CFAP161: variants seen among roughly 807,000 people sequenced by gnomAD.
CFAP161 encodes cilia- and flagella-associated protein 161.
Under a neutral mutation model 29.0 loss-of-function variants are expected in CFAP161, and 25 were observed. The ratio of observed to expected loss-of-function variants is 0.86; its 90% CI spans 0.63 to 1.20. The LOEUF is 1.20. Among genes scored for constraint, CFAP161 ranks in the 50% most tolerant of loss-of-function variants. The pLI, the probability that CFAP161 is intolerant of heterozygous loss-of-function variation, is 0.00. For missense variants in CFAP161, 367 were observed against 371.9 expected, an observed-to-expected ratio of 0.99 and a Z score of 0.11; for synonymous variants, 116 against 137.4, an observed-to-expected ratio of 0.84 and a Z score of 1.09.
chr15:81,117,606 A>C (rs1165020770), intron 1 of CFAP161: 1 of 208,336 alleles, frequency 4.8e-6, no homozygotes, highest in Non-Finnish European at 1.0e-5. Flanking sequence ...AATACTGAAC[A>C]GTTCTGTTTC....
chr15:81,103,717 C>T (rs1894329422), intron 1 of CFAP161, among the ~76,000 whole-genome samples: 3 of 152,192 alleles, frequency 2.0e-5, no homozygotes. Context: ...AATCTCAAAC[C>T]TAGAGGGGAT....
In CFAP161 at chr15:81,148,338, C is replaced by A; in HGVS notation, c.711C>A (p.Ser237Arg). 3 of 1,608,240 alleles carry A rather than the reference C, an allele frequency of 1.9e-6. No homozygotes were observed. Among genetic ancestry groups the A allele is most frequent in the Non-Finnish European group, 2.6e-6 (3 of 1,175,068 alleles). The change falls in exon 7 of 7, where the codon AGC (serine) becomes AGA (arginine). Residue 237 changes from serine to arginine, a missense_variant and splice_region_variant. Ser to Arg is a moderately radical substitution (Grantham distance 110, BLOSUM62 -1). Coordinates refer to ENST00000286732, the MANE Select transcript of CFAP161 (RefSeq NM_173528.4). ...CACAACTGATTCTCTCTTGCTCCAG[C>A]ACCTATTTTGGAAAGGAGGCTGAGG... is the stretch of plus-strand genomic sequence containing the variant. The part of the protein sequence containing the change: ...GLAAHRHLFL[S>R]TYFGKEAEVV...
At position 81,136,678 on chromosome 15, in the gene CFAP161, G is replaced by C; in HGVS notation, c.322G>C (p.Glu108Gln). Residue 108 changes from glutamate (E) to glutamine (Q), a missense_variant, in exon 3 of 7, where the codon GAG becomes CAG. Coordinates refer to ENST00000286732, the MANE Select transcript of CFAP161 (RefSeq NM_173528.4). ...TCAGTCCCATCTGAAAGACGAATTA[G>C]AGGTACCCTGTGGCCTGAGCGCAGT... is the stretch of plus-strand genomic sequence containing the variant. ...EIQSHLKDEL[E>Q]VPCGLSAVQA... is the part of the protein sequence containing the mutation. The C allele has an allele frequency of 6.2e-7, 1 of 1,614,188 alleles. No individual in the cohort carries two copies. The highest frequency in any genetic ancestry group is 2.2e-5 in the East Asian group (1 of 44,884).
upstream of CFAP161, chr15:81,134,102 T>A (rs969438567): frequency 3.7e-6 from 2 of 534,926 alleles, no homozygotes; most frequent in Non-Finnish European, 6.7e-6. Context: ...TCGCCCACCC[T>A]GCAGTTAAGG....
chr15:81,139,912 A>C (rs1318893392), intron 4 of CFAP161, among the ~76,000 whole-genome samples: 1 of 152,214 alleles, frequency 6.6e-6, no homozygotes, highest in Non-Finnish European at 1.5e-5. Flanking sequence ...ATTAAATATC[A>C]TAATTTAAAA....
intron 1 of CFAP161, among the ~76,000 whole-genome samples, chr15:81,114,857 G>T (rs1170259393): frequency 6.6e-6 from 1 of 152,070 alleles, no homozygotes; most frequent in Non-Finnish European, 1.5e-5. Flanking sequence ...TAGAGACAGG[G>T]TTTCACCATG....
Position 81,136,573 on chromosome 15 carries a change from G to C in CFAP161, c.217G>C (p.Val73Leu). 6.2e-7 allele frequency: 1 copy of C among 1,614,194 alleles called. No individual in the cohort carries two copies. The highest frequency in any genetic ancestry group is 8.5e-7 in the Non-Finnish European group (1 of 1,180,028). ...YIHYGDKVML[V>L]NPDDPDTEAD... ...TCATTACGGTGACAAAGTGATGCTT[G>C]TGAATCCTGATGATCCTGACACAGA... Residue 73 changes from valine to leucine, a missense_variant, in exon 3 of 7, where the codon GTG becomes CTG. Transcript: ENST00000286732.
chr15:81,122,535 A>C (rs1894587873), intron 1 of CFAP161, among the ~76,000 whole-genome samples: 2 of 147,568 alleles, frequency 1.4e-5, no homozygotes, highest in African/African-American at 5.0e-5. Flanking sequence ...CTTGTTGCCC[A>C]GGCTGGAGTG....
Position 81,135,442 on chromosome 15 carries a change from G to A in CFAP161, c.159+83G>A, listed in dbSNP as rs1894793720. 1.9e-5 allele frequency: 17 copies of A among 882,166 alleles called. No homozygotes were observed. In the South Asian group the frequency reaches 3.0e-4, roughly 15 times the overall value. 54.6% of individuals were successfully genotyped at this position (882,166 alleles called of 1,614,324 possible). ...AGGTTTGTTACATATGTATACATAT[G>A]CTATGTTGGTGTGCTGCACCCATTA... On this transcript the variant is annotated intron_variant, in intron 2 of 6. Transcript: ENST00000286732.
intron 1 of CFAP161, among the ~76,000 whole-genome samples, chr15:81,120,562 G>A (rs1158752376): frequency 1.3e-5 from 2 of 152,146 alleles, no homozygotes; most frequent in Non-Finnish European, 2.9e-5. Flanking sequence ...GAGGCCAGGA[G>A]TTCAAGACCA....
intron 5 of CFAP161, among the ~76,000 whole-genome samples, chr15:81,145,578 G>C (rs1424817746): frequency 1.3e-5 from 2 of 152,102 alleles, no homozygotes; most frequent in East Asian, 1.9e-4. Context: ...CAGGCACCAG[G>C]AGTTCTTTTC....
intron 4 of CFAP161, among the ~76,000 whole-genome samples, chr15:81,141,452 A>T (rs1894906961): frequency 6.6e-6 from 1 of 152,132 alleles, no homozygotes; most frequent in Middle Eastern, 3.4e-3. Flanking sequence ...TTTTCAGTTG[A>T]TTTTTTTATG....
At chr15:81,136,458 G>T in intron 2 of CFAP161, 58 bp from the exon 3 acceptor site, 2 of 1,498,898 alleles carry the variant, frequency 1.3e-6, no homozygotes, top group East Asian at 2.3e-5. Flanking sequence ...AAATTGCCTT[G>T]GCAGTAACTG....
chr15:81,114,887 T>G (rs1324404933), intron 1 of CFAP161, among the ~76,000 whole-genome samples: 2 of 152,054 alleles, frequency 1.3e-5, no homozygotes, highest in African/African-American at 2.4e-5. Flanking sequence ...ATGGTCTCTA[T>G]CTCCTGACCT....
At chr15:81,129,355 A>C (rs1034331976), upstream of CFAP161, among the ~76,000 whole-genome samples, 1 of 152,190 alleles carries the variant, frequency 6.6e-6, no homozygotes, top group Non-Finnish European at 1.5e-5. Context: ...TTTATGAAGA[A>C]AAAGAGGTTA....
At chr15:81,123,164 A>G (rs912242866) in intron 1 of CFAP161, among the ~76,000 whole-genome samples, 11 of 152,020 alleles carry the variant, frequency 7.2e-5, no homozygotes, top group African/African-American at 2.7e-4. Flanking sequence ...GGGTTTTTAT[A>G]GTTTTAGGTT....
chr15:81,110,857 C>T (rs901381027), intron 1 of CFAP161, among the ~76,000 whole-genome samples: 1 of 152,050 alleles, frequency 6.6e-6, no homozygotes, highest in Admixed American at 6.6e-5. Flanking sequence ...TGCTGGGCTG[C>T]GGAGAAGCAA....
intron 1 of CFAP161, among the ~76,000 whole-genome samples, chr15:81,114,289 G>A (rs1036774377): frequency 6.6e-6 from 1 of 152,152 alleles, no homozygotes; most frequent in Admixed American, 6.5e-5. Flanking sequence ...TCTATTAAGT[G>A]TTCAATGGCT....
intron 1 of CFAP161, among the ~76,000 whole-genome samples, chr15:81,108,525 C>A (rs369656680): frequency 1.3e-5 from 2 of 152,018 alleles, no homozygotes; most frequent in African/African-American, 4.8e-5. Flanking sequence ...GGGTTTGGAC[C>A]CACTCTGGGC....
Sources: allele counts gnomAD v4.1 joint callset (sites outside exome capture counted in the v4.1 genomes callset), GRCh38; gene constraint gnomAD v4.1.1; transcripts MANE v1.5; gene names NCBI Gene and HGNC (gene_info 2026-07-23, HGNC 2026-07-21).